The following DOCK1 variants were observed in gnomAD, a reference collection of about 807,000 sequenced individuals.
The protein encoded by DOCK1 is dedicator of cytokinesis protein 1.
In DOCK1, 138 loss-of-function variants were observed where a neutral mutation model predicts 262.7. The observed-to-expected ratio is 0.53, with a 90% CI of 0.46 to 0.61. DOCK1 has a LOEUF of 0.61. Among genes scored for constraint, DOCK1 ranks in the 20% least tolerant of loss-of-function variants. The pLI, the probability that DOCK1 is intolerant of heterozygous loss-of-function variation, is 0.00. For missense variants in DOCK1, 1,908 were observed against 2,370.7 expected (o/e 0.80, Z 4.05); for synonymous variants, 866 against 867.4 (o/e 1.00, Z 0.03).
At chr10:126,926,513 A>G (rs1000858865) in intron 1 of DOCK1, among the ~76,000 whole-genome samples, 22 of 152,180 alleles carry the variant, frequency 1.4e-4, no homozygotes, top group Non-Finnish European at 3.1e-4. Context: ...TAAACATTCT[A>G]TGCCAGAGGA....
intron 12 of DOCK1, chr10:127,015,132 A>G (rs2041762709): frequency 6.6e-6 from 1 of 151,644 alleles, no homozygotes; most frequent in South Asian, 2.1e-4. Flanking sequence ...TCCTTCTTCA[A>G]ACTCTCCCTC....
chr10:127,218,322 A>G (rs1489262773), intron 27 of DOCK1, among the ~76,000 whole-genome samples: 1 of 152,232 alleles, frequency 6.6e-6, no homozygotes, highest in African/African-American at 2.4e-5. Context: ...TTGGTTCACA[A>G]TGGAATCATC....
Position 127,343,721 on chromosome 10 carries a change from G to A in DOCK1, c.3199G>A (p.Ala1067Thr). 6.2e-7 allele frequency: 1 copy of A among 1,608,922 alleles called. No homozygotes were observed. The highest frequency in any genetic ancestry group is 8.5e-7 in the Non-Finnish European group (1 of 1,177,744). ...CCTGCAACTGGAGAATTTTTCAAGT[G>A]CCAAGAGAGCCAAAATCCTTAACAA... ...ESLQLENFSS[A>T]KRAKILNKYG... The change falls in exon 31 of 52, where the codon GCC becomes ACC. Residue 1067 changes from alanine (A) to threonine (T), a missense_variant. Around this residue, in one of 9 missense-constraint regions of DOCK1, gnomAD observed 518 missense variants for 575.1 expected, o/e 0.90. Transcript: ENST00000623213.
At chr10:127,398,550 A>G (rs1209762819) in intron 38 of DOCK1, among the ~76,000 whole-genome samples, 2 of 152,202 alleles carry the variant, frequency 1.3e-5, no homozygotes, top group Non-Finnish European at 2.9e-5. Flanking sequence ...AGTGATTTTA[A>G]TCCATTTTGA....
chr10:126,937,537 A>G (rs1229217909), intron 1 of DOCK1, among the ~76,000 whole-genome samples: 4 of 144,778 alleles, frequency 2.8e-5, no homozygotes, highest in Admixed American at 2.8e-4. Flanking sequence ...CTTCTTTTTA[A>G]TCATAGCCAT....
intron 29 of DOCK1, among the ~76,000 whole-genome samples, chr10:127,291,699 G>A (rs1043592104): frequency 1.8e-4 from 28 of 152,302 alleles, no homozygotes; most frequent in African/African-American, 6.0e-4. Context: ...TGCTGATTTC[G>A]CTTCCTTGTG....
At chr10:127,146,019 C>T (rs769638117) in intron 27 of DOCK1, 5 of 517,986 alleles carry the variant, frequency 9.7e-6, no homozygotes, top group African/African-American at 1.9e-5. Flanking sequence ...CACTCTATTC[C>T]CCATGGAATT....
At position 127,127,695 on chromosome 10, in the gene DOCK1, T is replaced by C; in HGVS notation, c.2778T>C (p.Ile926=). 6.2e-7 allele frequency: 1 copy of C among 1,612,812 alleles called. No homozygotes were observed. Residue 926 remains isoleucine, a synonymous_variant, in exon 27 of 52, where the codon ATT becomes ATC. Transcript: ENST00000623213. Reference sequence around the variant, plus strand: ...GGCCAACCCAGAGGCACGTCCAGATTATCATGGAGAAACTTCTCCGGACCG... The same window carrying C: ...GGCCAACCCAGAGGCACGTCCAGATCATCATGGAGAAACTTCTCCGGACCG... ...DVGPTQRHVQ[I]IMEKLLRTVN...
At chr10:127,002,411 T>A (rs895545656) in intron 10 of DOCK1, among the ~76,000 whole-genome samples, 6 of 152,224 alleles carry the variant, frequency 3.9e-5, no homozygotes, top group African/African-American at 1.4e-4. Flanking sequence ...TTTTTGGAAT[T>A]TAAAAATTTG....
chr10:126,919,976 A>G (rs184980035), intron 1 of DOCK1, among the ~76,000 whole-genome samples: 77 of 152,292 alleles, frequency 5.1e-4, no homozygotes, highest in Middle Eastern at 3.4e-3. Flanking sequence ...AGGGGGCACC[A>G]CTTCCAGGAC....
intron 27 of DOCK1, among the ~76,000 whole-genome samples, chr10:127,230,440 G>T (rs992777946): frequency 6.6e-6 from 1 of 152,054 alleles, no homozygotes; most frequent in African/African-American, 2.4e-5. Flanking sequence ...GTTAATTATT[G>T]TATATGGTAT....
chr10:127,399,863 GA>G (rs1387345536), intron 38 of DOCK1, among the ~76,000 whole-genome samples: 1 of 152,198 alleles, frequency 6.6e-6, no homozygotes, highest in Non-Finnish European at 1.5e-5. Flanking sequence ...TAAAAGTAGG[GA>G]AGTTCTCCCT....
intron 29 of DOCK1, among the ~76,000 whole-genome samples, chr10:127,280,592 A>G (rs1170786279): frequency 3.9e-5 from 6 of 152,140 alleles, no homozygotes; most frequent in Non-Finnish European, 8.8e-5. Context: ...TGTTCTTGCA[A>G]GCACTTAGCC....
In DOCK1 at chr10:127,012,340, C is replaced by T; in HGVS notation, c.1167C>T (p.Val389=). The part of the protein sequence containing the change: ...NDFLQTVINK[V]IAAKEVNHKG... ...TCCTTCAGACTGTTATAAACAAAGT[C>T]ATCGCTGCCAAAGAAGTCAACCACA... Residue 389 remains valine, a synonymous_variant, in exon 12 of 52, where the codon GTC becomes GTT. Transcript: ENST00000623213. The surrounding 1 kb of genome is among the most constrained non-coding windows in gnomAD (Gnocchi z 4.0). The T allele has an allele frequency of 6.2e-7, 1 of 1,614,004 alleles. No homozygotes were observed. The highest frequency in any genetic ancestry group is 8.5e-7 in the Non-Finnish European group (1 of 1,179,884).
At chr10:127,041,356 C>A (rs2044001045) in intron 19 of DOCK1, among the ~76,000 whole-genome samples, 4 of 152,190 alleles carry the variant, frequency 2.6e-5, no homozygotes, top group Non-Finnish European at 4.4e-5. Flanking sequence ...CCTCAGCCTC[C>A]CAAAGTGCTG....
chr10:127,029,677 C>T (rs532409563), intron 16 of DOCK1, among the ~76,000 whole-genome samples: 2 of 152,300 alleles, frequency 1.3e-5, no homozygotes, highest in East Asian at 1.9e-4. Flanking sequence ...ATAAACCATC[C>T]ATCTCATGAT....
intron 8 of DOCK1, among the ~76,000 whole-genome samples, 164 bp from the exon 9 acceptor site, chr10:126,999,190 A>G (rs954955005): frequency 1.3e-5 from 2 of 152,184 alleles, no homozygotes; most frequent in Non-Finnish European, 2.9e-5. Context: ...TGTGCTGTGG[A>G]TGTTAATTGA....
At chr10:127,126,929 G>A (rs1272999428) in intron 26 of DOCK1, among the ~76,000 whole-genome samples, 1 of 152,264 alleles carries the variant, frequency 6.6e-6, no homozygotes, top group East Asian at 1.9e-4. Context: ...ATCTGTTCTT[G>A]GTGATGCTGG....
At chr10:127,377,467 A>G (rs940434105) in intron 35 of DOCK1, among the ~76,000 whole-genome samples, 1 of 152,222 alleles carries the variant, frequency 6.6e-6, no homozygotes, top group Non-Finnish European at 1.5e-5. Context: ...AATAAAGAAC[A>G]TAGAATTTAC....
Sources: allele counts gnomAD v4.1 joint callset (sites outside exome capture counted in the v4.1 genomes callset), GRCh38; gene constraint gnomAD v4.1.1; regional missense constraint gnomAD v4.1.1; non-coding constraint Gnocchi (gnomAD v3.1); transcripts MANE v1.5; gene names NCBI Gene and HGNC (gene_info 2026-07-23, HGNC 2026-07-21).